GMDS: variants seen among roughly 807,000 people sequenced by gnomAD.
GMDS encodes GDP-mannose 4,6 dehydratase.
Under a neutral mutation model 49.9 loss-of-function variants are expected in GMDS, and 20 were observed. The observed-to-expected ratio is 0.40, with a 90% CI of 0.28 to 0.58. The LOEUF is 0.58. GMDS is among the 20% of genes least tolerant of loss of function. The probability of loss-of-function intolerance (pLI) is 0.42; values close to 1 mark genes in which losing one functional copy is unlikely to be tolerated. For synonymous variants in GMDS, 177 were observed against 178.6 expected (o/e 0.99, Z 0.07); for missense variants, 362 against 481.4 (o/e 0.75, Z 2.32).
intron 9 of GMDS, among the ~76,000 whole-genome samples, chr6:1,709,330 G>C (rs1359535725): frequency 1.3e-5 from 2 of 152,246 alleles, no homozygotes; most frequent in Non-Finnish European, 2.9e-5. Context: ...TGATCTGGGA[G>C]GAAAGTTGCA....
intron 7 of GMDS, among the ~76,000 whole-genome samples, chr6:1,911,624 C>T (rs749060724): frequency 2.0e-5 from 3 of 151,480 alleles, no homozygotes; most frequent in Non-Finnish European, 2.9e-5. Context: ...ATGCCTTCCA[C>T]GCTGCATGGG....
chr6:2,140,793 C>T (rs1581703786), intron 1 of GMDS, among the ~76,000 whole-genome samples: 1 of 152,164 alleles, frequency 6.6e-6, no homozygotes, highest in Non-Finnish European at 1.5e-5. Flanking sequence ...AAGAAGTCAA[C>T]CATTTGGGGT....
intron 4 of GMDS, among the ~76,000 whole-genome samples, chr6:2,012,378 A>T (rs1439031401): frequency 6.6e-6 from 1 of 152,182 alleles, no homozygotes; most frequent in Non-Finnish European, 1.5e-5. Context: ...TTGTTGTAAG[A>T]CTCAATAATA....
At chr6:2,239,919 C>T (rs1781534918) in intron 1 of GMDS, among the ~76,000 whole-genome samples, 1 of 152,072 alleles carries the variant, frequency 6.6e-6, no homozygotes, top group African/African-American at 2.4e-5. Flanking sequence ...ATCTCCTGAC[C>T]TCGTGATCCA....
intron 4 of GMDS, among the ~76,000 whole-genome samples, chr6:1,978,704 G>C (rs1765056847): frequency 6.6e-6 from 1 of 152,180 alleles, no homozygotes; most frequent in Non-Finnish European, 1.5e-5. Flanking sequence ...AACCAATCAG[G>C]GGCTGAAGGG....
intron 7 of GMDS, among the ~76,000 whole-genome samples, chr6:1,867,488 T>C (rs1758495879): frequency 6.6e-6 from 1 of 152,152 alleles, no homozygotes; most frequent in Non-Finnish European, 1.5e-5. Context: ...AAATCTAGAA[T>C]CCATTTATCT....
chr6:2,031,623 AAGCT>A (rs1768969721), intron 4 of GMDS, among the ~76,000 whole-genome samples: 1 of 152,152 alleles, frequency 6.6e-6, no homozygotes, highest in African/African-American at 2.4e-5. Context: ...GTGAAGAAGA[AAGCT>A]ATGAGGACAT....
rs113726483 is a variant in GMDS at position 1,779,465 on chromosome 6, T to C, written c.772-36879A>G. On this transcript the variant is annotated intron_variant, in intron 7 of 10. Transcript: ENST00000380815. Reference sequence around the variant, plus strand: ...ACAGATAAAGGTAACTGTGTGTGAATTGAGAAGCTTCTAGAGACAATGACT... The same window carrying C: ...ACAGATAAAGGTAACTGTGTGTGAACTGAGAAGCTTCTAGAGACAATGACT... 9.6e-3 allele frequency among the ~76,000 whole-genome samples: 1,464 copies of C among 152,218 alleles called. 19 individuals carry two copies. Among genetic ancestry groups the C allele is most frequent in the African/African-American group, 0.034 (1,395 of 41,514 alleles).
At chr6:1,986,194 A>C (rs531804921) in intron 4 of GMDS, among the ~76,000 whole-genome samples, 10 of 152,334 alleles carry the variant, frequency 6.6e-5, no homozygotes, top group African/African-American at 2.4e-4. Context: ...ACAAATGAGA[A>C]AAGGAGCTTC....
intron 7 of GMDS, among the ~76,000 whole-genome samples, chr6:1,777,603 A>G (rs924091723): frequency 6.6e-6 from 1 of 152,232 alleles, no homozygotes; most frequent in Admixed American, 6.5e-5. Context: ...TATTTCTAGG[A>G]AAAAGGAGAA....
intron 9 of GMDS, among the ~76,000 whole-genome samples, chr6:1,716,507 T>C (rs1222164511): frequency 2.0e-5 from 3 of 151,886 alleles, no homozygotes; most frequent in Admixed American, 6.6e-5. Context: ...GGCAAGAAAA[T>C]AGGAGGTACA....
intron 7 of GMDS, among the ~76,000 whole-genome samples, chr6:1,845,319 T>C (rs1424590362): frequency 1.3e-5 from 2 of 152,198 alleles, no homozygotes; most frequent in African/African-American, 2.4e-5. Flanking sequence ...ATATTCAACA[T>C]TGTACTTATG....
In GMDS at chr6:2,183,150, G is replaced by A. The variant is rs554158727; in HGVS notation, c.103-58419C>T. Among the ~76,000 whole-genome samples the A allele has an allele frequency of 3.9e-5, 6 of 152,298 alleles. No individual in the cohort carries two copies. In the South Asian group the frequency reaches 1.2e-3, roughly 32 times the overall value. On this transcript the variant is annotated intron_variant, in intron 1 of 10. Transcript: ENST00000380815. ...CATTCTGCAGCCCATGGATCAAGGA[G>A]TAATTTCAACTTTCAGTCTTATTAT...
chr6:1,743,460 G>C (rs1246409896), intron 7 of GMDS, among the ~76,000 whole-genome samples: 2 of 148,078 alleles, frequency 1.4e-5, no homozygotes, highest in Admixed American at 1.3e-4. Flanking sequence ...GGAGAATGGC[G>C]TGAACCCGGG....
intron 1 of GMDS, among the ~76,000 whole-genome samples, chr6:2,206,495 CAGT>C (rs564755539): frequency 1.5e-3 from 230 of 152,222 alleles, no homozygotes; most frequent in Non-Finnish European, 2.3e-3. Context: ...TTTGTCCATT[CAGT>C]AGTAAATAAG....
chr6:1,774,440 G>C (rs889818275), intron 7 of GMDS, among the ~76,000 whole-genome samples: 1 of 152,162 alleles, frequency 6.6e-6, no homozygotes, highest in Non-Finnish European at 1.5e-5. Flanking sequence ...GAATTATGAG[G>C]GTCATTCCTT....
intron 9 of GMDS, among the ~76,000 whole-genome samples, chr6:1,722,062 C>CTTTTTTTTTTTT (rs11356149): frequency 1.2e-5 from 1 of 80,232 alleles, no homozygotes. Context: ...GCTATCACGT[C>CTTTTTTTTTTTT]TTTTTTTTTT....
chr6:1,984,631 G>A (rs573136454), intron 4 of GMDS, among the ~76,000 whole-genome samples: 28 of 152,140 alleles, frequency 1.8e-4, no homozygotes, highest in African/African-American at 6.7e-4. Context: ...CTTCAAACAG[G>A]TTTCCTGGTC....
At chr6:2,233,015 G>A (rs1488206348) in intron 1 of GMDS, among the ~76,000 whole-genome samples, 2 of 152,222 alleles carry the variant, frequency 1.3e-5, no homozygotes, top group African/African-American at 4.8e-5. Flanking sequence ...GGGAGTGACT[G>A]ATGAATGGGT....
Sources: gnomAD v4.1 joint callset for allele counts (sites outside exome capture counted in the v4.1 genomes callset) on GRCh38, gnomAD v4.1.1 for gene constraint, MANE v1.5 for transcripts, NCBI Gene and HGNC (gene_info 2026-07-23, HGNC 2026-07-21) for gene names.